The following GALNT13 variants were observed in gnomAD, a reference collection of about 807,000 sequenced individuals.
GALNT13 encodes UDP-GalNAc:polypeptide N-acetylgalactosaminyltransferase 13.
Under a neutral mutation model 64.2 loss-of-function variants are expected in GALNT13, and 28 were observed. The ratio of observed to expected loss-of-function variants is 0.44; its 90% CI spans 0.32 to 0.60. GALNT13 has a LOEUF of 0.60. Ranked by LOEUF, GALNT13 falls within the 20% of genes least tolerant of loss-of-function variation. The probability of loss-of-function intolerance (pLI) is 0.05; values close to 1 mark genes in which losing one functional copy is unlikely to be tolerated. For synonymous variants in GALNT13, 214 were observed against 224.6 expected (o/e 0.95, Z 0.42); for missense variants, 577 against 669.8 (o/e 0.86, Z 1.53).
rs1368968098 is a variant in GALNT13, at chr2:154,298,874, T to G, written c.976-2535T>G. Among the ~76,000 whole-genome samples, 165 of 129,808 alleles carry G rather than the reference T, an allele frequency of 1.3e-3. 4 individuals carry two copies. In the South Asian group the frequency reaches 0.036, roughly 29 times the overall value. 85.2% of individuals were successfully genotyped at this position (129,808 alleles called of 152,430 possible). ...ATTTATATATACATTATATATACAT[T>G]ATATATTATTTATATATACATTATA... is the stretch of plus-strand genomic sequence containing the variant. On this transcript the variant is annotated intron_variant, in intron 8 of 12. Coordinates refer to ENST00000392825, the MANE Select transcript of GALNT13 (RefSeq NM_052917.4).
chr2:153,665,750 C>A, the GALNT13 span, among the ~76,000 whole-genome samples: 1 of 152,064 alleles, frequency 6.6e-6, no homozygotes, highest in Non-Finnish European at 1.5e-5. Context: ...GTTAGACAGG[C>A]ATGGAGTGGC....
At chr2:153,741,881 A>C in the GALNT13 span, among the ~76,000 whole-genome samples, 2 of 152,258 alleles carry the variant, frequency 1.3e-5, no homozygotes, top group Non-Finnish European at 2.9e-5. Context: ...ATAGATTTCA[A>C]GGGTACAAAG....
At position 153,883,304 on chromosome 2, in the gene GALNT13, C is replaced by T. The variant is rs980411362; in HGVS notation, c.-177+11001C>T. Among the ~76,000 whole-genome samples, 10 of 151,560 alleles carry T rather than the reference C, an allele frequency of 6.6e-5. 1 individual carries two copies. Among genetic ancestry groups the T allele is most frequent in the South Asian group, 6.2e-4 (3 of 4,804 alleles). ...AAATATGAGTCACAGTGAATCTCCACGAAGCATGACTTCCTAATTGGACGT... is the reference window on the plus strand; with the variant it reads ...AAATATGAGTCACAGTGAATCTCCATGAAGCATGACTTCCTAATTGGACGT... On this transcript the variant is annotated intron_variant, in intron 1 of 12. Coordinates refer to ENST00000392825, the MANE Select transcript of GALNT13 (RefSeq NM_052917.4).
chr2:153,555,343 C>T, the GALNT13 span, among the ~76,000 whole-genome samples: 82 of 135,708 alleles, frequency 6.0e-4, 4 homozygotes, highest in Admixed American at 3.2e-3. Flanking sequence ...TACAGGCGCC[C>T]GCTACCACGC....
upstream of GALNT13, among the ~76,000 whole-genome samples, chr2:153,870,622 C>T (rs1444686): frequency 0.82 from 124,580 of 151,440 alleles, 52,459 homozygotes; most frequent in Non-Finnish European, 0.9. Context: ...TAGGAGGAGA[C>T]ATTAATACAG....
chr2:154,400,661 A>G (rs989293438), intron 10 of GALNT13, among the ~76,000 whole-genome samples: 3 of 152,186 alleles, frequency 2.0e-5, no homozygotes, highest in African/African-American at 7.2e-5. Flanking sequence ...GCAGTTTCCA[A>G]TGGGAAGTTA....
At chr2:153,313,218 A>G in the GALNT13 span, among the ~76,000 whole-genome samples, 1 of 152,338 alleles carries the variant, frequency 6.6e-6, no homozygotes, top group South Asian at 2.1e-4. Context: ...AAATCATTCT[A>G]TCATAAACGA....
the GALNT13 span, among the ~76,000 whole-genome samples, chr2:153,212,941 A>G: frequency 2.3e-3 from 355 of 152,358 alleles, 4 homozygotes; most frequent in Admixed American, 6.9e-3. Flanking sequence ...GTCTGAACAA[A>G]TTATTCATTA....
the GALNT13 span, among the ~76,000 whole-genome samples, chr2:153,553,236 C>CAT: frequency 6.7e-6 from 1 of 149,690 alleles, no homozygotes; most frequent in Non-Finnish European, 1.5e-5. Flanking sequence ...ATGTTGGCCA[C>CAT]ATGTGTAATC....
intron 9 of GALNT13, among the ~76,000 whole-genome samples, chr2:154,372,833 T>G (rs1003688905): frequency 1.3e-5 from 2 of 151,964 alleles, no homozygotes; most frequent in Non-Finnish European, 2.9e-5. Context: ...TGAAAAAAAA[T>G]CATTCCTTTT....
intron 3 of GALNT13, among the ~76,000 whole-genome samples, chr2:154,084,137 A>G (rs1217344191): frequency 6.6e-6 from 1 of 151,904 alleles, no homozygotes; most frequent in African/African-American, 2.4e-5. Flanking sequence ...TGTCCCAAAC[A>G]ATAATGGTCC....
the GALNT13 span, among the ~76,000 whole-genome samples, chr2:153,507,344 T>C: frequency 1.3e-5 from 2 of 152,064 alleles, no homozygotes; most frequent in Admixed American, 1.3e-4. Context: ...TGCAGTGTGC[T>C]ATCTCAGTTC....
At chr2:154,003,801 T>C (rs1696070216) in intron 3 of GALNT13, among the ~76,000 whole-genome samples, 1 of 152,062 alleles carries the variant, frequency 6.6e-6, no homozygotes, top group Non-Finnish European at 1.5e-5. Flanking sequence ...TGTTTAAAAG[T>C]GTGTAGCACC....
intron 4 of GALNT13, among the ~76,000 whole-genome samples, chr2:154,155,142 A>T: frequency 6.6e-6 from 1 of 152,096 alleles, no homozygotes; most frequent in East Asian, 1.9e-4. Flanking sequence ...TCTCAACTTG[A>T]AAATAAAAGA....
chr2:154,070,601 T>A (rs1469535768), intron 3 of GALNT13, among the ~76,000 whole-genome samples: 1 of 152,242 alleles, frequency 6.6e-6, no homozygotes, highest in South Asian at 2.1e-4. Context: ...TATATTGTGA[T>A]AAACAGAGAT....
intron 9 of GALNT13, among the ~76,000 whole-genome samples, chr2:154,308,905 A>G (rs1052358861): frequency 5.3e-5 from 8 of 152,080 alleles, no homozygotes. Context: ...TTTGGATTCT[A>G]TAATTCTTTA....
chr2:153,588,098 G>C, the GALNT13 span, among the ~76,000 whole-genome samples: 1 of 152,152 alleles, frequency 6.6e-6, no homozygotes, highest in Admixed American at 6.5e-5. Flanking sequence ...TCATGGTCTT[G>C]GACAGCTCTG....
chr2:154,015,926 C>T (rs551986219), intron 3 of GALNT13, among the ~76,000 whole-genome samples: 64 of 152,058 alleles, frequency 4.2e-4, no homozygotes, highest in Non-Finnish European at 2.9e-4. Context: ...TGTGAAAATA[C>T]GAATGTTTTA....
chr2:154,212,348 G>T (rs901830305), intron 4 of GALNT13, among the ~76,000 whole-genome samples: 2 of 151,800 alleles, frequency 1.3e-5, no homozygotes, highest in African/African-American at 4.8e-5. Flanking sequence ...GGGTTAAAGC[G>T]ATTCTCCTAC....
Sources: gnomAD v4.1 joint callset for allele counts (sites outside exome capture counted in the v4.1 genomes callset) on GRCh38, gnomAD v4.1.1 for gene constraint, MANE v1.5 for transcripts, NCBI Gene and HGNC (gene_info 2026-07-23, HGNC 2026-07-21) for gene names.